Variants in MCM10 observed in about 807,000 individuals in gnomAD.
The protein encoded by MCM10 is minichromosome maintenance 10 replication initiation factor, also known as protein MCM10 homolog.
Under a neutral mutation model 109.9 loss-of-function variants are expected in MCM10, and 91 were observed. That is an observed-to-expected ratio of 0.83 (90% confidence interval 0.70 to 0.99). The LOEUF (loss-of-function observed/expected upper bound fraction) is 0.99. Ranked by LOEUF, MCM10 falls within the 50% of genes least tolerant of loss-of-function variation. The pLI, the probability that MCM10 is intolerant of heterozygous loss-of-function variation, is 0.00. For missense variants in MCM10, 1,077 were observed against 1,061.2 expected, an observed-to-expected ratio of 1.01 and a Z score of -0.21; for synonymous variants, 380 against 387.2, an observed-to-expected ratio of 0.98 and a Z score of 0.22.
intron 6 of MCM10, among the ~76,000 whole-genome samples, chr10:13,176,400 C>T (rs72779586): frequency 0.028 from 4,206 of 152,244 alleles, 73 homozygotes; most frequent in Non-Finnish European, 0.037. Flanking sequence ...TCCATCATTA[C>T]ATCTGGATAA....
chr10:13,163,051 C>A (rs1250280917), intron 1 of MCM10, among the ~76,000 whole-genome samples: 2 of 151,526 alleles, frequency 1.3e-5, no homozygotes, highest in African/African-American at 4.9e-5. Flanking sequence ...TGCACTCCAG[C>A]CTGGGTGACA....
chr10:13,175,001 G>T (rs940730998), intron 5 of MCM10, among the ~76,000 whole-genome samples: 1 of 152,084 alleles, frequency 6.6e-6, no homozygotes, highest in Non-Finnish European at 1.5e-5. Context: ...GGTGGCGCAT[G>T]CCTGTAATCC....
rs540767799 is a variant in MCM10 at position 13,167,428 on chromosome 10, G to C, written c.7+3219G>C. On this transcript the variant is annotated intron_variant, in intron 2 of 19. Transcript: ENST00000378714. ...ATCACAGAGGGACGTTCAGAGGTCA[G>C]TTGTGCTTTGCTGTGATGAGTTGGA... Among the ~76,000 whole-genome samples the C allele has an allele frequency of 9.2e-5, 14 of 152,282 alleles. No homozygotes were observed. In the South Asian group the frequency reaches 2.9e-3, roughly 32 times the overall value.
intron 18 of MCM10, among the ~76,000 whole-genome samples, chr10:13,204,998 G>GTGTATA (rs1834554957): frequency 1.0e-4 from 2 of 19,564 alleles, no homozygotes; most frequent in Non-Finnish European, 2.5e-4. Flanking sequence ...ATGTATGTAT[G>GTGTATA]TATGTATATA....
intron 10 of MCM10, 79 bp from the exon 11 acceptor site, chr10:13,191,220 T>A: frequency 1.1e-6 from 1 of 915,370 alleles, no homozygotes. Context: ...TAATAAATGA[T>A]GATATCTATG....
chr10:13,165,542 G>A (rs1833984477), intron 2 of MCM10, among the ~76,000 whole-genome samples: 1 of 152,142 alleles, frequency 6.6e-6, no homozygotes, highest in Admixed American at 6.6e-5. Context: ...AGAAATCATA[G>A]TATCTATCTG....
intron 17 of MCM10, 43 bp downstream of exon 17, chr10:13,201,577 G>A (rs776965705): frequency 7.4e-5 from 106 of 1,429,152 alleles, no homozygotes; most frequent in Admixed American, 3.7e-5. Context: ...GGCCCTGTGT[G>A]GTGCTTTTGT....
chr10:13,166,862 G>A (rs1444644249), intron 2 of MCM10, among the ~76,000 whole-genome samples: 1 of 151,748 alleles, frequency 6.6e-6, no homozygotes, highest in East Asian at 1.9e-4. Context: ...ACTGAGGCAG[G>A]GTCTTGTTGA....
Position 13,162,437 on chromosome 10 carries a change from G to T in MCM10, c.-76+831G>T, listed in dbSNP as rs191403909. Among the ~76,000 whole-genome samples the T allele has an allele frequency of 1.1e-3, 166 of 152,290 alleles. 1 individual carries two copies. Among genetic ancestry groups the T allele is most frequent in the African/African-American group, 3.8e-3 (159 of 41,558 alleles). On this transcript the variant is annotated intron_variant, in intron 1 of 19. Transcript: ENST00000378714. Reference sequence around the variant, plus strand: ...GAAAGGGAAGATTACCGTGGCTGTCGTATGCAGAACAGATTGCACGGGGAC... The same window carrying T: ...GAAAGGGAAGATTACCGTGGCTGTCTTATGCAGAACAGATTGCACGGGGAC...
chr10:13,193,462 T>G (rs543094898), intron 13 of MCM10, among the ~76,000 whole-genome samples: 1 of 152,098 alleles, frequency 6.6e-6, no homozygotes, highest in Non-Finnish European at 1.5e-5. Context: ...TTCTCAGCCT[T>G]GTTTTACTAA....
At chr10:13,192,685 T>G in intron 13 of MCM10, 117 bp downstream of exon 13, 2 of 878,108 alleles carry the variant, frequency 2.3e-6, no homozygotes, top group Non-Finnish European at 3.6e-6. Flanking sequence ...GTTTTAACTC[T>G]GAAAGTTTAA....
chr10:13,193,010 C>T (rs1333757015), intron 13 of MCM10, among the ~76,000 whole-genome samples: 1 of 152,080 alleles, frequency 6.6e-6, no homozygotes, highest in Non-Finnish European at 1.5e-5. Context: ...CTTGGCCTCC[C>T]AAGTAGTTGG....
In MCM10 at chr10:13,175,465, A is replaced by G. The variant is rs780145308; in HGVS notation, c.593-45A>G. 5 of 1,527,838 alleles carry G rather than the reference A, an allele frequency of 3.3e-6. No homozygotes were observed. The Admixed American group carries it at 6.7e-5, about 21-fold the overall frequency. The allele number at this position is 1,527,838 out of a possible 1,614,324, so 94.6% of individuals were successfully genotyped here. ...AACAAATTTCCAAATTCCGTTCGTG[A>G]TTATCAGTGTGGTTGCCTTTTCATT... On this transcript the variant is annotated intron_variant, in intron 5 of 19. Coordinates refer to ENST00000378714, the MANE Select transcript of MCM10 (RefSeq NM_018518.5).
rs376943596 is a variant in MCM10 at position 13,175,521 on chromosome 10, T to A, written c.604T>A (p.Ser202Thr). Reference sequence around the variant, plus strand: ...TGTTAATTTTCTAGATCCCAAAAGCTCATCTTCAAGGATGACAAGTGCACC... The same window carrying A: ...TGTTAATTTTCTAGATCCCAAAAGCACATCTTCAAGGATGACAAGTGCACC... ...PKASPPDPKS[S>T]SSRMTSAPSQ... is the part of the protein sequence containing the mutation. The change falls in exon 6 of 20, where the codon TCA becomes ACA. Residue 202 changes from serine (S) to threonine (T), a missense_variant. Physicochemically the swap from Ser to Thr is moderately conservative, Grantham distance 58. Transcript: ENST00000378714. 3.4e-5 allele frequency: 55 copies of A among 1,613,710 alleles called. No individual in the cohort carries two copies. The highest frequency in any genetic ancestry group is 4.2e-5 in the Non-Finnish European group (49 of 1,179,838).
intron 1 of MCM10, among the ~76,000 whole-genome samples, chr10:13,162,675 A>G (rs1189965592): frequency 1.3e-5 from 2 of 152,182 alleles, no homozygotes; most frequent in Non-Finnish European, 2.9e-5. Flanking sequence ...TACAGACTTG[A>G]ACGAGACAGT....
rs147759831 is a variant in MCM10, at chr10:13,192,313, G to A, written c.1575G>A (p.Pro525=). ...SEEFKELMDL[P]TCGARNLKQH... ...AGTTCAAGGAACTGATGGACCTGCC[G>A]ACGTGTGGAGCCAGGAACTTAAAAC... Residue 525 remains proline (P), a synonymous_variant, in exon 12 of 20, where the codon CCG becomes CCA. Coordinates refer to ENST00000378714, the MANE Select transcript of MCM10 (RefSeq NM_018518.5). The A allele has an allele frequency of 1.4e-4, 228 of 1,614,056 alleles. No individual in the cohort carries two copies. Among genetic ancestry groups the A allele is most frequent in the Admixed American group, 1.7e-4 (10 of 59,994 alleles).
intron 14 of MCM10, among the ~76,000 whole-genome samples, chr10:13,196,210 A>G (rs994096403): frequency 3.3e-5 from 5 of 152,032 alleles, no homozygotes; most frequent in African/African-American, 1.2e-4. Flanking sequence ...CTAACCAAGA[A>G]TCCTTTAAAA....
At chr10:13,168,450 A>G (rs1332853261) in intron 2 of MCM10, among the ~76,000 whole-genome samples, 1 of 152,152 alleles carries the variant, frequency 6.6e-6, no homozygotes. Context: ...CCAGCTCCTG[A>G]ACTGATCTGT....
chr10:13,164,235 T>A, intron 2 of MCM10, 26 bp downstream of exon 2: 4 of 1,587,984 alleles, frequency 2.5e-6, no homozygotes, highest in Non-Finnish European at 3.4e-6. Context: ...TTTCTGTTAC[T>A]CTGTTTCAAG....
Sources: gnomAD v4.1 joint callset for allele counts (sites outside exome capture counted in the v4.1 genomes callset) on GRCh38, gnomAD v4.1.1 for gene constraint, MANE v1.5 for transcripts, NCBI Gene and HGNC (gene_info 2026-07-23, HGNC 2026-07-21) for gene names.